The following MALT1 variants were observed in gnomAD, a reference collection of about 807,000 sequenced individuals.
MALT1 encodes MALT1 paracaspase, also known as mucosa-associated lymphoid tissue lymphoma translocation protein 1.
Under a neutral mutation model 85.5 loss-of-function variants are expected in MALT1, and 36 were observed. The observed-to-expected ratio is 0.42, with a 90% CI of 0.32 to 0.56. The LOEUF is 0.56. MALT1 is among the 20% of genes least tolerant of loss of function. The pLI is 0.10. For missense variants in MALT1, 716 were observed against 981.6 expected (o/e 0.73, Z 3.62); for synonymous variants, 359 against 361.3 (o/e 0.99, Z 0.07).
intron 13 of MALT1, among the ~76,000 whole-genome samples, chr18:58,737,967 C>T (rs938677139): frequency 1.9e-4 from 29 of 152,158 alleles, no homozygotes; most frequent in Admixed American, 7.9e-4. Flanking sequence ...CAATCTGTAA[C>T]GTGACTTTTA....
chr18:58,715,851 CTGA>C (rs1320291330), intron 8 of MALT1, 81 bp from the exon 9 acceptor site: 2 of 873,828 alleles, frequency 2.3e-6, no homozygotes, highest in African/African-American at 1.7e-5. Flanking sequence ...AGTGATGCTG[CTGA>C]TGTTATATAC....
At chr18:58,696,012 G>C (rs943782348) in intron 2 of MALT1, among the ~76,000 whole-genome samples, 1 of 152,248 alleles carries the variant, frequency 6.6e-6, no homozygotes, top group Non-Finnish European at 1.5e-5. Context: ...CCCTGTGGCT[G>C]TGCCTGACAG....
chr18:58,709,921 C>T, intron 5 of MALT1, 55 bp from the exon 6 acceptor site: 1 of 1,138,290 alleles, frequency 8.8e-7, no homozygotes, highest in Non-Finnish European at 1.3e-6. Flanking sequence ...ATGATTTTTT[C>T]TCCAAGCCAT....
intron 9 of MALT1, among the ~76,000 whole-genome samples, chr18:58,718,969 A>G (rs1309706057): frequency 1.3e-5 from 2 of 152,184 alleles, no homozygotes; most frequent in East Asian, 3.8e-4. Flanking sequence ...CATGGTAAGA[A>G]TGGAGGCATG....
At chr18:58,715,011 C>CA (rs1265164470) in intron 8 of MALT1, among the ~76,000 whole-genome samples, 1 of 152,156 alleles carries the variant, frequency 6.6e-6, no homozygotes, top group Non-Finnish European at 1.5e-5. Flanking sequence ...GCAAACTAGA[C>CA]ACAGCAGAAA....
chr18:58,700,627 AT>A, intron 4 of MALT1, 36 bp downstream of exon 4: 1 of 1,528,482 alleles, frequency 6.5e-7, no homozygotes, highest in Non-Finnish European at 8.7e-7. Flanking sequence ...TGGGATGGGG[AT>A]TCCCCATATT....
intron 1 of MALT1, chr18:58,672,714 TATTA>T (rs2054183452): frequency 6.6e-6 from 1 of 152,236 alleles, no homozygotes; most frequent in Non-Finnish European, 1.5e-5. Context: ...CAAAAAAGTC[TATTA>T]GAGAAGTGGC....
At position 58,753,197 on chromosome 18, in the gene MALT1, TG is replaced by T. The variant is rs1466890298; in HGVS notation, c.*5356del. 1 of 152,140 alleles carries T rather than the reference TG, an allele frequency of 6.6e-6. No individual in the cohort carries two copies. Among genetic ancestry groups the T allele is most frequent in the East Asian group, 1.9e-4 (1 of 5,194 alleles). The allele number at this position is 152,140 out of a possible 1,614,324, so 9.4% of individuals were successfully genotyped here. On this transcript the variant is annotated 3_prime_UTR_variant, in exon 17 of 17. Transcript: ENST00000649217. ...GCAGTATAGAGTGTTTTTTTTTATT[TG>T]TTTTTTTGTTGTTGTCTTTTGAGTC...
At chr18:58,706,785 C>G (rs1476897558) in intron 4 of MALT1, among the ~76,000 whole-genome samples, 2 of 152,136 alleles carry the variant, frequency 1.3e-5, no homozygotes, top group Admixed American at 6.5e-5. Flanking sequence ...AGATGCCATT[C>G]CATTGTCTTT....
rs771442008 is a variant in MALT1, at chr18:58,723,285, T to A, written c.1222+34T>A. 8.1e-6 allele frequency: 12 copies of A among 1,490,576 alleles called. No homozygotes were observed. In the African/African-American group the frequency reaches 1.5e-4, roughly 19 times the overall value. The allele number at this position is 1,490,576 out of a possible 1,614,324, so 92.3% of individuals were successfully genotyped here. A position where few individuals can be genotyped will look rare whatever the true frequency, so the allele number is the denominator to read the frequency against. The stretch of plus-strand genomic sequence containing the variant: ...TTTATAATGTTTGTTTTTACAATTA[T>A]CCATTATTCTTTTCATTATACAAGT... On this transcript the variant is annotated intron_variant, in intron 10 of 16. Transcript: ENST00000649217.
chr18:58,680,124 C>CAA lies in MALT1; in HGVS notation c.210-1046_210-1045insAA, dbSNP rs1302131735. On this transcript the variant is annotated intron_variant, in intron 1 of 16. Transcript: ENST00000649217. ...CCAGCCATGAGCTCTACTGTCTTAC[C>CAA]CTCTGTGAGGCAACTATGGCTACGA... Among the ~76,000 whole-genome samples, 3 of 152,206 alleles carry CAA rather than the reference C, an allele frequency of 2.0e-5. No homozygotes were observed. The East Asian group carries it at 5.8e-4, about 29-fold the overall frequency.
intron 4 of MALT1, among the ~76,000 whole-genome samples, chr18:58,701,675 A>G (rs1002338172): frequency 2.0e-5 from 3 of 152,166 alleles, no homozygotes; most frequent in Admixed American, 1.3e-4. Flanking sequence ...CCTGACCCCA[A>G]ACTACTTACA....
At position 58,750,547 on chromosome 18, in the gene MALT1, G is replaced by A. The variant is rs1285151502; in HGVS notation, c.*2705G>A. On this transcript the variant is annotated 3_prime_UTR_variant, in exon 17 of 17. Transcript: ENST00000649217. ...CATATGGATAGACATATCGATCAGA[G>A]GAATGGAACTGAACATCCAGAAATA... 2 of 152,286 alleles carry A rather than the reference G, an allele frequency of 1.3e-5. No homozygotes were observed. The highest frequency in any genetic ancestry group is 2.1e-4 in the South Asian group (1 of 4,830). 9.4% of individuals were successfully genotyped at this position (152,286 alleles called of 1,614,324 possible).
At chr18:58,738,523 G>A (rs1358347891) in intron 13 of MALT1, among the ~76,000 whole-genome samples, 2 of 151,998 alleles carry the variant, frequency 1.3e-5, no homozygotes, top group Non-Finnish European at 2.9e-5. Flanking sequence ...GGAATTGCTG[G>A]GTCATAGGGT....
At chr18:58,710,710 A>G (rs1266430480) in intron 6 of MALT1, among the ~76,000 whole-genome samples, 1 of 152,204 alleles carries the variant, frequency 6.6e-6, no homozygotes, top group Non-Finnish European at 1.5e-5. Flanking sequence ...AAGAAAGGTT[A>G]TTAACAATCC....
At chr18:58,713,323 A>G (rs1340466301) in intron 7 of MALT1, among the ~76,000 whole-genome samples, 1 of 152,214 alleles carries the variant, frequency 6.6e-6, no homozygotes, top group African/African-American at 2.4e-5. Flanking sequence ...AAGATGTCCC[A>G]TGGGGTACAG....
intron 12 of MALT1, 29 bp downstream of exon 12, chr18:58,734,410 T>C: frequency 6.4e-7 from 1 of 1,564,460 alleles, no homozygotes; most frequent in African/African-American, 1.4e-5. Context: ...TACGTTGAAG[T>C]TTCCTTTATT....
chr18:58,674,288 G>A (rs922118940), intron 1 of MALT1, among the ~76,000 whole-genome samples: 5 of 152,184 alleles, frequency 3.3e-5, no homozygotes, highest in Admixed American at 2.6e-4. Context: ...AGCTTTGTTT[G>A]GGGGAACTAA....
intron 2 of MALT1, among the ~76,000 whole-genome samples, chr18:58,689,763 G>T (rs896545733): frequency 1.4e-4 from 21 of 152,240 alleles, no homozygotes; most frequent in African/African-American, 4.6e-4. Flanking sequence ...GATGAGGAAA[G>T]AGCCTGCCAT....
Sources: allele counts gnomAD v4.1 joint callset (sites outside exome capture counted in the v4.1 genomes callset), GRCh38; gene constraint gnomAD v4.1.1; transcripts MANE v1.5; gene names NCBI Gene and HGNC (gene_info 2026-07-23, HGNC 2026-07-21).